MPP4: variants seen among roughly 807,000 people sequenced by gnomAD.
MPP4 encodes the protein MAGUK p55 scaffold protein 4, also known as MAGUK p55 subfamily member 4.
MPP4 carries 91 observed loss-of-function variants against 98.3 expected under a neutral mutation model. That is an observed-to-expected ratio of 0.93 (90% CI 0.78 to 1.10). The LOEUF is 1.10. MPP4 is among the 50% of genes least tolerant of loss of function. The pLI, the probability that MPP4 is intolerant of heterozygous loss-of-function variation, is 0.00. For synonymous variants in MPP4, 261 were observed against 271.8 expected, an observed-to-expected ratio of 0.96 and a Z score of 0.39; for missense variants, 744 against 792.9, an observed-to-expected ratio of 0.94 and a Z score of 0.74.
At chr2:201,647,930 A>G (rs1202810333) in intron 20 of MPP4, 105 bp from the exon 21 acceptor site, 6 of 1,140,816 alleles carry the variant, frequency 5.3e-6, no homozygotes, top group African/African-American at 4.6e-5. Context: ...ATCACAGTTC[A>G]CTGTAGCCTC....
In MPP4 at chr2:201,658,464, A is replaced by AT. The variant is rs1159507912; in HGVS notation, c.1129+12dup. On this transcript the variant is annotated intron_variant, in intron 16 of 21. Transcript: ENST00000409474. ...AGTGACAGAGACCCACCTCTTGTTA[A>AT]TTTATCACCTACCTATAAAGAACTT... 1 of 1,610,124 alleles carries AT rather than the reference A, an allele frequency of 6.2e-7. No individual in the cohort carries two copies. Among genetic ancestry groups the AT allele is most frequent in the South Asian group, 1.1e-5 (1 of 90,078 alleles).
At chr2:201,657,590 G>GTTTTTTTTGTTTTTTTTTTTT (rs1687884945) in intron 16 of MPP4, among the ~76,000 whole-genome samples, 2 of 91,124 alleles carry the variant, frequency 2.2e-5, no homozygotes, top group African/African-American at 4.3e-5. Flanking sequence ...CCTGGCCCTT[G>GTTTTTTTTGTTTTTTTTTTTT]TTTTTTTTTT....
At chr2:201,693,072 G>A (rs761434335) in intron 2 of MPP4, 43 bp from the exon 3 acceptor site, 13 of 1,586,974 alleles carry the variant, frequency 8.2e-6, no homozygotes, top group East Asian at 2.3e-5. Flanking sequence ...AGGTGCGGGT[G>A]TAAATGTGAA....
intron 10 of MPP4, chr2:201,680,273 A>C (rs1452234739): frequency 6.5e-6 from 1 of 152,856 alleles, no homozygotes; most frequent in Admixed American, 6.5e-5. Context: ...TGGGTCACTT[A>C]CAAACAACAG....
rs185970558 is a variant in MPP4, at chr2:201,682,733, C to T, written c.660+98G>A. On this transcript the variant is annotated intron_variant, in intron 8 of 21. Coordinates refer to ENST00000409474, the MANE Select transcript of MPP4 (RefSeq NM_033066.3). ...AGAAAGCTGCCAAGAGAACTTGAGT[C>T]CCCGGTACATCCCAGTGCACACACG... is the stretch of plus-strand genomic sequence containing the variant. 22 of 1,007,022 alleles carry T rather than the reference C, an allele frequency of 2.2e-5. No individual in the cohort carries two copies. The African/African-American group carries it at 3.5e-4, about 16-fold the overall frequency. The allele number at this position is 1,007,022 out of a possible 1,614,324, so 62.4% of individuals were successfully genotyped here. A position where few individuals can be genotyped will look rare whatever the true frequency, so the allele number is the denominator to read the frequency against.
chr2:201,697,925 G>C, intron 1 of MPP4: 1 of 985,406 alleles, frequency 1.0e-6, no homozygotes, highest in Non-Finnish European at 1.2e-6. Flanking sequence ...CCTGGCAAAA[G>C]ACTTACCTTC....
Position 201,667,670 on chromosome 2 carries a change from A to G in MPP4, c.1013-1298T>C, listed in dbSNP as rs991219921. 3.3e-5 allele frequency among the ~76,000 whole-genome samples: 5 copies of G among 152,196 alleles called. No individual in the cohort carries two copies. In the East Asian group the frequency reaches 9.6e-4, roughly 29 times the overall value. ...AGCACATCCCAGGTGCTCAACAAATACGGATTTAATAAATGAAGCTTATAC... is the reference window on the plus strand; with the variant it reads ...AGCACATCCCAGGTGCTCAACAAATGCGGATTTAATAAATGAAGCTTATAC... On this transcript the variant is annotated intron_variant, in intron 12 of 21. Coordinates refer to ENST00000409474, the MANE Select transcript of MPP4 (RefSeq NM_033066.3).
chr2:201,657,718 G>A (rs561010815), intron 16 of MPP4, among the ~76,000 whole-genome samples: 2 of 151,632 alleles, frequency 1.3e-5, no homozygotes, highest in South Asian at 4.2e-4. Context: ...AGATGAGGCG[G>A]GCATCTTTGT....
intron 3 of MPP4, 39 bp downstream of exon 3, chr2:201,692,869 C>T (rs774812022): frequency 1.1e-5 from 18 of 1,595,848 alleles, no homozygotes; most frequent in Admixed American, 1.7e-5. Context: ...CCCACAACCC[C>T]TTCAGCAAGC....
At chr2:201,689,538 G>A (rs1688943564) in intron 4 of MPP4, among the ~76,000 whole-genome samples, 1 of 152,144 alleles carries the variant, frequency 6.6e-6, no homozygotes, top group African/African-American at 2.4e-5. Context: ...CTATGTAAGA[G>A]ATGATGATGA....
At chr2:201,698,427 G>C (rs1377254588) in intron 1 of MPP4, among the ~76,000 whole-genome samples, 160 bp downstream of exon 1, 2 of 152,128 alleles carry the variant, frequency 1.3e-5, no homozygotes, top group Admixed American at 1.3e-4. Context: ...GCTCTTTCAA[G>C]ATCATAAAAT....
At chr2:201,650,919 T>C (rs1358722269) in intron 18 of MPP4, 3 of 985,328 alleles carry the variant, frequency 3.0e-6, no homozygotes, top group South Asian at 9.4e-5. Context: ...GTATAGAATA[T>C]AGGAGTTCAT....
Position 201,675,233 on chromosome 2 carries a change from G to C in MPP4, c.968C>G (p.Pro323Arg). The C allele has an allele frequency of 6.2e-7, 1 of 1,609,350 alleles. No homozygotes were observed. Among genetic ancestry groups the C allele is most frequent in the Non-Finnish European group, 8.5e-7 (1 of 1,178,080 alleles). The part of the protein sequence containing the change: ...REFWWSQPYQ[P>R]HTCLKSTLSI... ...TAGGGTTGACTTGAGGCAGGTGTGA[G>C]GCTGGTACGGCTGAGACCACCAGAA... Residue 323 changes from proline to arginine, a missense_variant, in exon 11 of 22, where the codon CCT becomes CGT. Transcript: ENST00000409474.
intron 11 of MPP4, among the ~76,000 whole-genome samples, chr2:201,672,248 T>C (rs1270781856): frequency 6.6e-6 from 1 of 152,112 alleles, no homozygotes; most frequent in Non-Finnish European, 1.5e-5. Flanking sequence ...GCTAAAGCAG[T>C]GTTTAGAAGG....
At chr2:201,670,281 T>TG (rs1559010513) in intron 11 of MPP4, among the ~76,000 whole-genome samples, 2 of 152,140 alleles carry the variant, frequency 1.3e-5, no homozygotes, top group East Asian at 1.9e-4. Context: ...CTAATTTTTT[T>TG]GGGGGGAGGA....
intron 16 of MPP4, among the ~76,000 whole-genome samples, chr2:201,657,583 G>A (rs1687883135): frequency 1.2e-5 from 1 of 83,530 alleles, no homozygotes. Context: ...TGAGAACCCT[G>A]GCCCTTGTTT....
At chr2:201,672,772 C>CAAA (rs145673363) in intron 11 of MPP4, among the ~76,000 whole-genome samples, 1 of 151,456 alleles carries the variant, frequency 6.6e-6, no homozygotes, top group African/African-American at 2.4e-5. Flanking sequence ...GCCTACCAAC[C>CAAA]AAAAAAAAGC....
intron 1 of MPP4, among the ~76,000 whole-genome samples, chr2:201,696,181 GT>G (rs1347516595): frequency 1.3e-5 from 2 of 152,164 alleles, no homozygotes; most frequent in Non-Finnish European, 2.9e-5. Flanking sequence ...GGTTTGCTAG[GT>G]TCTACCAAAG....
intron 4 of MPP4, among the ~76,000 whole-genome samples, chr2:201,689,354 C>G (rs907993451): frequency 6.6e-6 from 1 of 151,978 alleles, no homozygotes; most frequent in Non-Finnish European, 1.5e-5. Flanking sequence ...AAAAAAAGAG[C>G]TTTGGTGTTT....
Sources: gnomAD v4.1 joint callset for allele counts (sites outside exome capture counted in the v4.1 genomes callset) on GRCh38, gnomAD v4.1.1 for gene constraint, MANE v1.5 for transcripts, NCBI Gene and HGNC (gene_info 2026-07-23, HGNC 2026-07-21) for gene names.